Variants in C12orf42 observed in about 807,000 individuals in gnomAD.
C12orf42 encodes the protein uncharacterized protein C12orf42.
In C12orf42, 25 loss-of-function variants were observed where a neutral mutation model predicts 21.6. That is an observed-to-expected ratio of 1.16 (90% CI 0.84 to 1.62). The LOEUF (loss-of-function observed/expected upper bound fraction) is 1.62, where lower values mean the gene tolerates loss of function less well. Ranked by LOEUF, C12orf42 falls within the 40% of genes most tolerant of loss-of-function variation. The pLI is 0.00. For synonymous variants in C12orf42, 174 were observed against 175.0 expected (o/e 0.99, Z 0.05); for missense variants, 483 against 459.3 (o/e 1.05, Z -0.47).
At chr12:103,362,108 C>T (rs778531630) in intron 4 of C12orf42, among the ~76,000 whole-genome samples, 1 of 152,144 alleles carries the variant, frequency 6.6e-6, no homozygotes, top group Non-Finnish European at 1.5e-5. Flanking sequence ...GTCCATTTTA[C>T]CCCCCTGCCA....
At chr12:103,449,364 T>C (rs1433022935) in intron 2 of C12orf42, among the ~76,000 whole-genome samples, 2 of 151,802 alleles carry the variant, frequency 1.3e-5, no homozygotes, top group Admixed American at 6.6e-5. Flanking sequence ...GGGTGAGGGA[T>C]AAAAGACTAC....
intron 4 of C12orf42, among the ~76,000 whole-genome samples, chr12:103,354,671 G>A (rs922649597): frequency 6.6e-6 from 1 of 152,140 alleles, no homozygotes; most frequent in Non-Finnish European, 1.5e-5. Context: ...TAAATAGGAA[G>A]AATAAGTTGG....
At chr12:103,284,477 A>G (rs1355467350) in intron 4 of C12orf42, among the ~76,000 whole-genome samples, 1 of 152,212 alleles carries the variant, frequency 6.6e-6, no homozygotes, top group East Asian at 1.9e-4. Context: ...TGAGCCTGGT[A>G]GCAAAGACAA....
chr12:103,318,675 T>C (rs1338348755), intron 4 of C12orf42, among the ~76,000 whole-genome samples: 1 of 152,192 alleles, frequency 6.6e-6, no homozygotes, highest in Non-Finnish European at 1.5e-5. Flanking sequence ...GGGCTGAGTT[T>C]CAGTCCCTTT....
rs572236849 is a variant in C12orf42 at position 103,270,071 on chromosome 12, T to G, written n.399-218A>C. ...AGACTAATGAGTTTGGAATTTATTT[T>G]GACACTAATGGGAAGTCCCTAAAGA... On this transcript the variant is annotated intron_variant and non_coding_transcript_variant, in intron 5 of 6. Transcript: ENST00000546526. 3 of 152,294 alleles carry G rather than the reference T, an allele frequency of 2.0e-5. No individual in the cohort carries two copies. The East Asian group carries it at 5.8e-4, about 29-fold the overall frequency. 9.4% of individuals were successfully genotyped at this position (152,294 alleles called of 1,614,324 possible).
intron 2 of C12orf42, among the ~76,000 whole-genome samples, chr12:103,464,924 T>C (rs1592928249): frequency 6.6e-6 from 1 of 152,368 alleles, no homozygotes; most frequent in East Asian, 1.9e-4. Context: ...CATTGGTCTA[T>C]GTGTCTGTTT....
the C12orf42 span, among the ~76,000 whole-genome samples, chr12:103,204,278 T>C: frequency 6.6e-5 from 10 of 152,316 alleles, no homozygotes; most frequent in African/African-American, 2.2e-4. Flanking sequence ...TTTCAACTTC[T>C]TTAAAAAATC....
rs549231116 is a variant in C12orf42 at position 103,315,053 on chromosome 12, T to C, written c.260-8708A>G. Among the ~76,000 whole-genome samples the C allele has an allele frequency of 2.0e-5, 3 of 152,308 alleles. No homozygotes were observed. In the South Asian group the frequency reaches 6.2e-4, roughly 32 times the overall value. On this transcript the variant is annotated intron_variant, in intron 4 of 5. Transcript: ENST00000548883. ...GAACACTGGACAAATTTGAAGCCTC[T>C]GACCCCTGCAGCTACAACAAACATT...
intron 3 of C12orf42, among the ~76,000 whole-genome samples, chr12:103,377,198 CTG>C: frequency 6.6e-6 from 1 of 151,944 alleles, no homozygotes; most frequent in Middle Eastern, 3.4e-3. Flanking sequence ...GTTTGGTTCC[CTG>C]TGTAGTTTCA....
intron 4 of C12orf42, among the ~76,000 whole-genome samples, chr12:103,295,460 G>A (rs2037202239): frequency 6.6e-6 from 1 of 151,668 alleles, no homozygotes; most frequent in African/African-American, 2.4e-5. Flanking sequence ...ACATTGTACT[G>A]TAATCTTTGC....
chr12:103,425,376 C>T (rs1035510725), intron 2 of C12orf42, among the ~76,000 whole-genome samples: 26 of 152,212 alleles, frequency 1.7e-4, no homozygotes, highest in Admixed American at 1.3e-3. Flanking sequence ...GCCTGCCCCC[C>T]GTGCCTCCTG....
At chr12:103,488,682 C>T (rs1364183988) in intron 1 of C12orf42, among the ~76,000 whole-genome samples, 2 of 152,260 alleles carry the variant, frequency 1.3e-5, no homozygotes, top group African/African-American at 4.8e-5. Flanking sequence ...CTTGTCTTCT[C>T]GCTTTATTTC....
intron 2 of C12orf42, among the ~76,000 whole-genome samples, chr12:103,434,326 G>A: frequency 6.6e-6 from 1 of 152,150 alleles, no homozygotes; most frequent in Non-Finnish European, 1.5e-5. Flanking sequence ...TGATGACGGA[G>A]CTGCACTCTG....
chr12:103,345,503 C>A lies in C12orf42; in HGVS notation c.259+23384G>T, dbSNP rs181163596. On this transcript the variant is annotated intron_variant, in intron 4 of 5. Coordinates refer to ENST00000548883, the MANE Select transcript of C12orf42 (RefSeq NM_198521.5). ...CCATCACCACCTTTGCAGATTAAAC[C>A]AATTAATCAGAAAATTATGGGATTA... Among the ~76,000 whole-genome samples, 85 of 152,172 alleles carry A rather than the reference C, an allele frequency of 5.6e-4. 2 individuals are homozygous for A. The highest frequency in any genetic ancestry group is 5.6e-3 in the Admixed American group (85 of 15,286).
chr12:103,386,893 C>A (rs919714210), intron 3 of C12orf42, among the ~76,000 whole-genome samples: 7 of 152,190 alleles, frequency 4.6e-5, no homozygotes, highest in Admixed American at 1.3e-4. Flanking sequence ...GCTAGCTCTT[C>A]CTCCACCTCC....
chr12:103,556,792 T>C, the C12orf42 span, among the ~76,000 whole-genome samples: 1 of 152,032 alleles, frequency 6.6e-6, no homozygotes, highest in Admixed American at 6.6e-5. Context: ...AAGTTAAAGA[T>C]CTTAAGATGA....
chr12:103,423,657 T>C (rs1949555967), intron 2 of C12orf42, among the ~76,000 whole-genome samples: 1 of 152,210 alleles, frequency 6.6e-6, no homozygotes, highest in African/African-American at 2.4e-5. Flanking sequence ...TTGGAGCAGA[T>C]CAACATTTTC....
upstream of C12orf42, among the ~76,000 whole-genome samples, chr12:103,497,336 T>C (rs1350840964): frequency 6.6e-6 from 1 of 152,226 alleles, no homozygotes; most frequent in East Asian, 1.9e-4. Context: ...TGAGAAGACA[T>C]GCCCTTCAAT....
At chr12:103,519,964 G>A in the C12orf42 span, among the ~76,000 whole-genome samples, 1 of 152,214 alleles carries the variant, frequency 6.6e-6, no homozygotes, top group Non-Finnish European at 1.5e-5. Context: ...GGACTCTGAT[G>A]ATGGAACGAG....
Sources: allele counts gnomAD v4.1 joint callset (sites outside exome capture counted in the v4.1 genomes callset), GRCh38; gene constraint gnomAD v4.1.1; transcripts MANE v1.5; gene names NCBI Gene and HGNC (gene_info 2026-07-23, HGNC 2026-07-21).